IFTAP: variants seen among roughly 807,000 people sequenced by gnomAD.
The protein encoded by IFTAP is intraflagellar transport associated protein.
IFTAP carries 19 observed loss-of-function variants against 19.4 expected under a neutral mutation model. The ratio of observed to expected loss-of-function variants is 0.98; its 90% CI spans 0.68 to 1.44. The LOEUF is 1.44. Among genes scored for constraint, IFTAP ranks in the 40% most tolerant of loss-of-function variants. IFTAP has a pLI of 0.00. For synonymous variants in IFTAP, 85 were observed against 83.5 expected, an observed-to-expected ratio of 1.02 and a Z score of -0.10; for missense variants, 240 against 253.6, an observed-to-expected ratio of 0.95 and a Z score of 0.36.
At chr11:36,609,596 A>G (rs1354368367) in intron 1 of IFTAP, among the ~76,000 whole-genome samples, 2 of 152,102 alleles carry the variant, frequency 1.3e-5, no homozygotes, top group Non-Finnish European at 2.9e-5. Flanking sequence ...CTAGGATCAG[A>G]CTTCTTGAGC....
At chr11:36,615,915 A>G (rs1852066644) in intron 2 of IFTAP, among the ~76,000 whole-genome samples, 1 of 152,014 alleles carries the variant, frequency 6.6e-6, no homozygotes, top group South Asian at 2.1e-4. Context: ...TAAACTGCTG[A>G]AAGAAAAAGG....
In IFTAP at chr11:36,595,940, CTGG is replaced by C. The variant is rs575677869; in HGVS notation, c.-24+1350_-24+1352del. Reference sequence around the variant, plus strand: ...TGGATAAACATATATGATGAGGGTGCTGGTAGTAGTTAATTTATTAACAGAAGA... The same window carrying C: ...TGGATAAACATATATGATGAGGGTGCTAGTAGTTAATTTATTAACAGAAGA... On this transcript the variant is annotated intron_variant, in intron 1 of 5. Transcript: ENST00000334307. Among the ~76,000 whole-genome samples the C allele has an allele frequency of 2.3e-3, 345 of 152,240 alleles. 1 individual carries two copies. Among genetic ancestry groups the C allele is most frequent in the African/African-American group, 8.0e-3 (332 of 41,534 alleles).
At chr11:36,625,047 T>C (rs1852458865) in intron 2 of IFTAP, among the ~76,000 whole-genome samples, 1 of 152,200 alleles carries the variant, frequency 6.6e-6, no homozygotes, top group African/African-American at 2.4e-5. Flanking sequence ...TTTATTAATA[T>C]GTATATATGT....
intron 1 of IFTAP, among the ~76,000 whole-genome samples, chr11:36,606,335 C>T (rs1003481006): frequency 6.6e-6 from 1 of 151,908 alleles, no homozygotes; most frequent in Non-Finnish European, 1.5e-5. Flanking sequence ...TAGTGGCAGG[C>T]GCCTGTAATC....
intron 5 of IFTAP, among the ~76,000 whole-genome samples, chr11:36,654,083 T>A (rs1323783989): frequency 6.6e-6 from 1 of 152,180 alleles, no homozygotes. Context: ...TATGTCTCTC[T>A]TTTCATCCAG....
chr11:36,653,106 A>G (rs1314084871), intron 5 of IFTAP, among the ~76,000 whole-genome samples: 5 of 152,146 alleles, frequency 3.3e-5, no homozygotes, highest in East Asian at 3.8e-4. Flanking sequence ...ATTTTCACCT[A>G]TAAAGACAGT....
intron 4 of IFTAP, among the ~76,000 whole-genome samples, chr11:36,639,659 G>T (rs1165022795): frequency 1.3e-5 from 2 of 152,060 alleles, no homozygotes; most frequent in African/African-American, 4.8e-5. Context: ...TGGGAACTAA[G>T]AGTGAGAACT....
At chr11:36,625,812 G>A (rs529927399) in intron 2 of IFTAP, among the ~76,000 whole-genome samples, 24 of 152,242 alleles carry the variant, frequency 1.6e-4, no homozygotes, top group Admixed American at 4.6e-4. Flanking sequence ...GAGGATTTAG[G>A]GTTGCAATTT....
chr11:36,655,068 C>A (rs191616292), intron 5 of IFTAP, among the ~76,000 whole-genome samples: 33 of 152,206 alleles, frequency 2.2e-4, no homozygotes, highest in African/African-American at 7.7e-4. Flanking sequence ...GCATAGATGA[C>A]CAAATGTTTT....
intron 1 of IFTAP, among the ~76,000 whole-genome samples, chr11:36,609,396 A>C (rs1021673354): frequency 7.9e-5 from 12 of 152,202 alleles, no homozygotes; most frequent in African/African-American, 2.7e-4. Context: ...TACAGGGAGA[A>C]AGATTTAGGC....
intron 2 of IFTAP, among the ~76,000 whole-genome samples, chr11:36,613,917 CT>C (rs199913512): frequency 0.12 from 16,868 of 141,878 alleles, 1,085 homozygotes; most frequent in African/African-American, 0.18. Context: ...GTTGAGTTTT[CT>C]TTTTTTTTTT....
At chr11:36,620,117 G>C (rs2133408787) in intron 2 of IFTAP, among the ~76,000 whole-genome samples, 1 of 152,112 alleles carries the variant, frequency 6.6e-6, no homozygotes, top group East Asian at 1.9e-4. Context: ...TTTTATTGAT[G>C]TGTTTTTTAG....
intron 2 of IFTAP, among the ~76,000 whole-genome samples, chr11:36,624,491 C>T (rs1426897186): frequency 2.0e-5 from 3 of 152,180 alleles, no homozygotes; most frequent in Non-Finnish European, 4.4e-5. Flanking sequence ...CCTTTAGACC[C>T]AGACATGGAG....
intron 1 of IFTAP, among the ~76,000 whole-genome samples, chr11:36,595,664 T>G (rs1247478546): frequency 6.6e-6 from 1 of 152,236 alleles, no homozygotes; most frequent in Non-Finnish European, 1.5e-5. Flanking sequence ...ACTGAGATAA[T>G]AATTTTACCA....
intron 1 of IFTAP, among the ~76,000 whole-genome samples, chr11:36,602,813 C>T (rs920466765): frequency 6.7e-6 from 1 of 149,438 alleles, no homozygotes; most frequent in Non-Finnish European, 1.5e-5. Flanking sequence ...CTTGTAATTC[C>T]ACACAACTCT....
intron 1 of IFTAP, among the ~76,000 whole-genome samples, chr11:36,604,525 T>C (rs1183291013): frequency 2.6e-5 from 4 of 152,210 alleles, no homozygotes; most frequent in Non-Finnish European, 5.9e-5. Flanking sequence ...TTTCTTCTTT[T>C]GTTTTCTCAT....
chr11:36,609,092 A>G (rs1851788888), intron 1 of IFTAP, among the ~76,000 whole-genome samples: 1 of 152,344 alleles, frequency 6.6e-6, no homozygotes, highest in African/African-American at 2.4e-5. Context: ...AGAAATGTAC[A>G]CAACTGTTTC....
At chr11:36,650,897 A>T (rs1016760938) in intron 5 of IFTAP, among the ~76,000 whole-genome samples, 1 of 152,126 alleles carries the variant, frequency 6.6e-6, no homozygotes, top group Non-Finnish European at 1.5e-5. Flanking sequence ...ATCATTTTTT[A>T]TGGCTCCATA....
At chr11:36,606,570 T>C (rs1590199773) in intron 1 of IFTAP, among the ~76,000 whole-genome samples, 1 of 152,348 alleles carries the variant, frequency 6.6e-6, no homozygotes, top group African/African-American at 2.4e-5. Flanking sequence ...TTGTTTGCTT[T>C]CAGTACTACT....
Sources: gnomAD v4.1 joint callset for allele counts (sites outside exome capture counted in the v4.1 genomes callset) on GRCh38, gnomAD v4.1.1 for gene constraint, MANE v1.5 for transcripts, NCBI Gene and HGNC (gene_info 2026-07-23, HGNC 2026-07-21) for gene names.